The following LYN variants were observed in gnomAD, a reference collection of about 807,000 sequenced individuals.
LYN encodes tyrosine-protein kinase Lyn.
LYN carries 12 observed loss-of-function variants against 65.0 expected under a neutral mutation model. That is an observed-to-expected ratio of 0.18 (90% CI 0.12 to 0.30). LYN has a LOEUF of 0.30. Ranked by LOEUF, LYN falls within the 10% of genes least tolerant of loss-of-function variation. The pLI is 1.00. For missense variants in LYN, 380 were observed against 623.2 expected (o/e 0.61, Z 4.16); for synonymous variants, 222 against 221.2 (o/e 1.00, Z -0.03).
At chr8:55,991,064 C>T (rs934610408) in intron 10 of LYN, among the ~76,000 whole-genome samples, 117 of 152,300 alleles carry the variant, frequency 7.7e-4, no homozygotes, top group African/African-American at 2.7e-3. Flanking sequence ...AGTACTACCA[C>T]GTCAACTTAA....
Position 55,941,356 on chromosome 8 carries a change from A to T in LYN, c.-5-499A>T, listed in dbSNP as rs138672954. ...TAGATAGAGCTCATTTTCTGAAGAG[A>T]TTAGGTTGATCTAGCTCTCTGAAGG... On this transcript the variant is annotated intron_variant, in intron 1 of 12. Coordinates refer to ENST00000519728, the MANE Select transcript of LYN (RefSeq NM_002350.4). Among the ~76,000 whole-genome samples the T allele has an allele frequency of 1.1e-4, 16 of 152,106 alleles. No individual in the cohort carries two copies. In the East Asian group the frequency reaches 3.1e-3, roughly 29 times the overall value.
chr8:56,005,596 C>T (rs1808651490), intron 12 of LYN, among the ~76,000 whole-genome samples: 1 of 152,230 alleles, frequency 6.6e-6, no homozygotes, highest in South Asian at 2.1e-4. Context: ...GCTCAGACCA[C>T]TTCTTCCTCT....
rs181120714 is a variant in LYN, at chr8:55,982,806, T to C, written c.1050+13013T>C. ...GCAGGCTGACCAATTCTGCTGCTCA[T>C]TGCTTCATTTGATCGTTTCCACTTC... On this transcript the variant is annotated intron_variant, in intron 10 of 12. Coordinates refer to ENST00000519728, the MANE Select transcript of LYN (RefSeq NM_002350.4). Among the ~76,000 whole-genome samples, 12 of 152,296 alleles carry C rather than the reference T, an allele frequency of 7.9e-5. No individual in the cohort carries two copies. The East Asian group carries it at 2.1e-3, about 27-fold the overall frequency.
intron 1 of LYN, among the ~76,000 whole-genome samples, chr8:55,929,380 C>T (rs999353027): frequency 3.9e-5 from 6 of 152,134 alleles, no homozygotes; most frequent in African/African-American, 1.2e-4. Flanking sequence ...GGATCTGTTT[C>T]AACAGCTACC....
intron 6 of LYN, among the ~76,000 whole-genome samples, chr8:55,951,664 CAAAA>C (rs75568524): frequency 9.2e-6 from 1 of 108,816 alleles, no homozygotes; most frequent in Non-Finnish European, 2.0e-5. Context: ...CAACCTATTT[CAAAA>C]AAAAAAAAAA....
chr8:55,993,719 G>T (rs1205160649), intron 10 of LYN, among the ~76,000 whole-genome samples: 2 of 152,108 alleles, frequency 1.3e-5, no homozygotes, highest in Non-Finnish European at 2.9e-5. Context: ...TTCAATTAGT[G>T]GTGGGGAAAT....
At chr8:55,948,317 G>A (rs932680200) in intron 4 of LYN, among the ~76,000 whole-genome samples, 3 of 152,074 alleles carry the variant, frequency 2.0e-5, no homozygotes, top group Non-Finnish European at 4.4e-5. Context: ...AGAAATTTGG[G>A]TCTGTGTGGC....
intron 1 of LYN, among the ~76,000 whole-genome samples, chr8:55,921,445 G>T (rs1279117886): frequency 6.6e-6 from 1 of 152,196 alleles, no homozygotes; most frequent in African/African-American, 2.4e-5. Flanking sequence ...ACATAAAGTT[G>T]TACATAACAG....
At chr8:55,949,802 A>G (rs116229128) in intron 4 of LYN, among the ~76,000 whole-genome samples, 2,995 of 152,230 alleles carry the variant, frequency 0.02, 108 homozygotes, top group African/African-American at 0.069. Context: ...CCATCTACTT[A>G]AAGTGTACAA....
In LYN at chr8:56,013,118, C is replaced by T. The variant is rs1467018881; in HGVS notation, c.*3008C>T. The T allele has an allele frequency of 6.6e-6, 1 of 152,232 alleles. No homozygotes were observed. The highest frequency in any genetic ancestry group is 1.5e-5 in the Non-Finnish European group (1 of 68,096). 9.4% of individuals were successfully genotyped at this position (152,232 alleles called of 1,614,324 possible). A position where few individuals can be genotyped will look rare whatever the true frequency, so the allele number is the denominator to read the frequency against. ...ATTCACTGCCACAGAAGCCAGCAGC[C>T]CTGGCTGTCCCAAGGGTGCATAAAA... On this transcript the variant is annotated 3_prime_UTR_variant, in exon 13 of 13. Coordinates refer to ENST00000519728, the MANE Select transcript of LYN (RefSeq NM_002350.4).
At chr8:56,004,387 A>G (rs4593518) in intron 12 of LYN, among the ~76,000 whole-genome samples, 44,271 of 147,442 alleles carry the variant, frequency 0.3, 7,474 homozygotes, top group African/African-American at 0.46. Flanking sequence ...TCCACCTCCC[A>G]GGTTCAAGCA....
chr8:55,979,199 C>T (rs1216382613), intron 10 of LYN, among the ~76,000 whole-genome samples: 4 of 152,046 alleles, frequency 2.6e-5, no homozygotes, highest in Non-Finnish European at 4.4e-5. Flanking sequence ...TGTGCCACCA[C>T]GCCCAGCTAA....
intron 10 of LYN, among the ~76,000 whole-genome samples, chr8:55,998,016 G>A (rs1808423821): frequency 6.6e-6 from 1 of 152,118 alleles, no homozygotes. Flanking sequence ...CCCAGGAGGT[G>A]GAGCTTGCAG....
intron 10 of LYN, among the ~76,000 whole-genome samples, chr8:55,997,544 A>G (rs1808405447): frequency 6.6e-6 from 1 of 152,092 alleles, no homozygotes; most frequent in Non-Finnish European, 1.5e-5. Flanking sequence ...TTACAAGGGC[A>G]CTAATCCCAT....
At chr8:55,991,357 C>T (rs1400285182) in intron 10 of LYN, among the ~76,000 whole-genome samples, 2 of 152,154 alleles carry the variant, frequency 1.3e-5, no homozygotes, top group African/African-American at 4.8e-5. Flanking sequence ...TGCCTCAAAG[C>T]CCTGACTTAT....
intron 8 of LYN, among the ~76,000 whole-genome samples, chr8:55,961,821 T>A (rs2130513593): frequency 6.6e-6 from 1 of 152,276 alleles, no homozygotes; most frequent in African/African-American, 2.4e-5. Context: ...AACTGGTGTG[T>A]CGACCTCTGA....
At position 55,998,483 on chromosome 8, in the gene LYN, G is replaced by A. The variant is rs2130583627; in HGVS notation, c.1188G>A (p.Glu396=). The A allele has an allele frequency of 1.2e-6, 2 of 1,612,682 alleles. No homozygotes were observed. Among genetic ancestry groups the A allele is most frequent in the East Asian group, 2.2e-5 (1 of 44,838 alleles). ...FGLARVIEDN[E]YTAREGAKFP... is the part of the protein sequence containing the mutation. The stretch of plus-strand genomic sequence containing the variant: ...TTGCTAGAGTAATTGAAGATAATGA[G>A]TACACAGCAAGGGAAGGTATGTTGC... The change falls in exon 11 of 13, where the codon GAG becomes GAA. Residue 396 remains glutamate (E), a synonymous_variant. Transcript: ENST00000519728.
chr8:55,973,218 A>G (rs1475454422), intron 10 of LYN, among the ~76,000 whole-genome samples: 1 of 152,096 alleles, frequency 6.6e-6, no homozygotes, highest in Non-Finnish European at 1.5e-5. Flanking sequence ...GGCTAAGTGC[A>G]CGTGACAGCC....
intron 1 of LYN, among the ~76,000 whole-genome samples, chr8:55,896,664 T>A (rs760240501): frequency 8.6e-5 from 13 of 152,022 alleles, no homozygotes; most frequent in East Asian, 1.9e-4. Flanking sequence ...TAAAAAAATT[T>A]TAAAAAAAAG....
Sources: allele counts gnomAD v4.1 joint callset (sites outside exome capture counted in the v4.1 genomes callset), GRCh38; gene constraint gnomAD v4.1.1; transcripts MANE v1.5; gene names NCBI Gene and HGNC (gene_info 2026-07-23, HGNC 2026-07-21).